Variants in AUTS2 observed in about 807,000 individuals in gnomAD.
The protein encoded by AUTS2 is autism susceptibility gene 2 protein.
A neutral mutation model predicts 112.4 loss-of-function variants in AUTS2; 17 were observed. The observed-to-expected ratio is 0.15, with a 90% CI of 0.10 to 0.23. AUTS2 has a LOEUF of 0.23. Ranked by LOEUF, AUTS2 falls within the 10% of genes least tolerant of loss-of-function variation. AUTS2 has a pLI of 1.00. For missense variants in AUTS2, 1,510 were observed against 1,701.6 expected (o/e 0.89, Z 1.98); for synonymous variants, 751 against 702.7 (o/e 1.07, Z -1.09).
At chr7:69,870,930 A>C (rs867288025) in intron 1 of AUTS2, among the ~76,000 whole-genome samples, 1 of 152,212 alleles carries the variant, frequency 6.6e-6, no homozygotes, top group Non-Finnish European at 1.5e-5. Flanking sequence ...TTTTAAATGC[A>C]GATATGAGAG....
At chr7:70,569,687 G>A (rs982569500) in intron 5 of AUTS2, among the ~76,000 whole-genome samples, 34 of 152,172 alleles carry the variant, frequency 2.2e-4, no homozygotes, top group African/African-American at 8.2e-4. Flanking sequence ...ACAGATCCTG[G>A]CTGCTAAAAC....
chr7:69,613,642 C>G (rs1490250291), intron 1 of AUTS2, among the ~76,000 whole-genome samples: 1 of 152,186 alleles, frequency 6.6e-6, no homozygotes, highest in Non-Finnish European at 1.5e-5. Flanking sequence ...CTAGCATGCC[C>G]TCACAGATTA....
intron 5 of AUTS2, among the ~76,000 whole-genome samples, chr7:70,645,216 C>CCCCCTCAGCCCTCCCAA: frequency 6.8e-6 from 1 of 148,146 alleles, no homozygotes; most frequent in Non-Finnish European, 1.5e-5. Flanking sequence ...CACCCTCCCG[C>CCCCCTCAGCCCTCCCAA]CCCCTCAGCC....
intron 4 of AUTS2, among the ~76,000 whole-genome samples, chr7:70,226,355 G>A (rs889001286): frequency 1.4e-4 from 17 of 124,802 alleles, no homozygotes; most frequent in Non-Finnish European, 1.5e-4. Flanking sequence ...CACCATGCCC[G>A]GCTAATTTTT....
intron 4 of AUTS2, among the ~76,000 whole-genome samples, chr7:70,365,720 A>T (rs1026865004): frequency 1.3e-5 from 2 of 152,242 alleles, no homozygotes; most frequent in African/African-American, 4.8e-5. Flanking sequence ...TTCAGATAAG[A>T]TCAATTTTAA....
At chr7:70,649,892 G>T (rs536539162) in intron 5 of AUTS2, among the ~76,000 whole-genome samples, 1 of 152,294 alleles carries the variant, frequency 6.6e-6, no homozygotes, top group Admixed American at 6.5e-5. Context: ...GCTTAACAAT[G>T]GGCCTCAATC....
rs117878115 is a variant in AUTS2 at position 70,172,368 on chromosome 7, T to A, written c.660+37797T>A. On this transcript the variant is annotated intron_variant, in intron 4 of 18. Coordinates refer to ENST00000342771, the MANE Select transcript of AUTS2 (RefSeq NM_015570.4). Reference sequence around the variant, plus strand: ...GATTTGCAAGGTTTCTGTAAGGTAATCCCAGACAACCTTCTTCGTAATTAA... The same window carrying A: ...GATTTGCAAGGTTTCTGTAAGGTAAACCCAGACAACCTTCTTCGTAATTAA... Among the ~76,000 whole-genome samples the A allele has an allele frequency of 4.0e-3, 602 of 152,338 alleles. 4 individuals carry two copies. The highest frequency in any genetic ancestry group is 7.7e-3 in the Non-Finnish European group (525 of 68,036).
chr7:70,538,928 G>A (rs1800433571), intron 5 of AUTS2, among the ~76,000 whole-genome samples: 2 of 152,118 alleles, frequency 1.3e-5, no homozygotes, highest in Admixed American at 1.3e-4. Context: ...GAACAAAACG[G>A]GTTTTCTTTA....
chr7:69,847,888 G>A (rs1480439515), intron 1 of AUTS2, among the ~76,000 whole-genome samples: 1 of 152,136 alleles, frequency 6.6e-6, no homozygotes, highest in African/African-American at 2.4e-5. Flanking sequence ...TCTCATCCAA[G>A]TACTAGGCGA....
At chr7:70,459,972 G>A (rs1401929769) in intron 5 of AUTS2, among the ~76,000 whole-genome samples, 1 of 152,156 alleles carries the variant, frequency 6.6e-6, no homozygotes, top group Non-Finnish European at 1.5e-5. Context: ...GAAGGGTGGA[G>A]GATCTAACAC....
At chr7:70,670,284 T>C (rs1385365084) in intron 5 of AUTS2, among the ~76,000 whole-genome samples, 1 of 152,208 alleles carries the variant, frequency 6.6e-6, no homozygotes, top group Non-Finnish European at 1.5e-5. Context: ...ACAAATGAAA[T>C]GATTATTGTT....
intron 2 of AUTS2, among the ~76,000 whole-genome samples, chr7:69,968,454 C>T (rs1328987004): frequency 3.3e-5 from 5 of 152,070 alleles, no homozygotes; most frequent in Non-Finnish European, 5.9e-5. Flanking sequence ...CTTCACTTAC[C>T]GGGGCTGTTT....
At chr7:69,878,471 C>G (rs1021697081) in intron 1 of AUTS2, among the ~76,000 whole-genome samples, 2 of 152,130 alleles carry the variant, frequency 1.3e-5, no homozygotes, top group African/African-American at 4.8e-5. Context: ...TGGAAAACGC[C>G]TCCTTGTTTC....
At chr7:70,450,595 A>G (rs1796490930) in intron 5 of AUTS2, among the ~76,000 whole-genome samples, 1 of 152,208 alleles carries the variant, frequency 6.6e-6, no homozygotes, top group South Asian at 2.1e-4. Flanking sequence ...TTCCATAAAA[A>G]CAGGCCTTGC....
At chr7:69,734,645 G>T (rs376546048) in intron 1 of AUTS2, among the ~76,000 whole-genome samples, 2 of 148,680 alleles carry the variant, frequency 1.3e-5, no homozygotes, top group Non-Finnish European at 3.0e-5. Context: ...TGCTTGTTGG[G>T]TTTTTTTTTT....
chr7:70,486,171 G>A (rs1438575285), intron 5 of AUTS2, among the ~76,000 whole-genome samples: 2 of 152,140 alleles, frequency 1.3e-5, no homozygotes, highest in Admixed American at 6.6e-5. Context: ...AAGCTTGAGA[G>A]ATCAGCCCTA....
intron 3 of AUTS2, among the ~76,000 whole-genome samples, chr7:70,124,385 C>T (rs904779734): frequency 6.6e-6 from 1 of 152,016 alleles, no homozygotes; most frequent in African/African-American, 2.4e-5. Flanking sequence ...CCATTGTTCC[C>T]TTTGTTGTGA....
chr7:69,747,782 G>GGGGT (rs1240781972), intron 1 of AUTS2, among the ~76,000 whole-genome samples: 3 of 69,200 alleles, frequency 4.3e-5, no homozygotes, highest in African/African-American at 1.9e-4. Context: ...GAGAAGGAGA[G>GGGGT]GGGTGTGTGT....
At chr7:70,271,790 A>AC (rs199778332) in intron 4 of AUTS2, among the ~76,000 whole-genome samples, 1,771 of 152,330 alleles carry the variant, frequency 0.012, 18 homozygotes, top group Non-Finnish European at 0.016. Context: ...AGTATGAGTC[A>AC]CCACAATTTA....
Sources: allele counts gnomAD v4.1 joint callset (sites outside exome capture counted in the v4.1 genomes callset), GRCh38; gene constraint gnomAD v4.1.1; transcripts MANE v1.5; gene names NCBI Gene and HGNC (gene_info 2026-07-23, HGNC 2026-07-21).